Variants in USH1C observed in about 807,000 individuals in gnomAD.
USH1C encodes the protein harmonin.
USH1C carries 90 observed loss-of-function variants against 119.3 expected under a neutral mutation model. The observed-to-expected ratio is 0.75, with a 90% confidence interval of 0.64 to 0.90. The LOEUF (loss-of-function observed/expected upper bound fraction) is 0.90. Ranked by LOEUF, USH1C falls within the 40% of genes least tolerant of loss-of-function variation. The probability of loss-of-function intolerance (pLI) is 0.00; values close to 1 mark genes in which losing one functional copy is unlikely to be tolerated. For synonymous variants in USH1C, 465 were observed against 443.3 expected, an observed-to-expected ratio of 1.05 and a Z score of -0.62; for missense variants, 1,165 against 1,167.7, an observed-to-expected ratio of 1.00 and a Z score of 0.03.
chr11:17,539,986 C>A (rs1045133709), intron 1 of USH1C, among the ~76,000 whole-genome samples: 3 of 151,914 alleles, frequency 2.0e-5, no homozygotes, highest in African/African-American at 7.3e-5. Context: ...TGCACAACAC[C>A]ACACCTGGCT....
chr11:17,531,658 C>A lies in USH1C; in HGVS notation c.105-116G>T. 1 of 1,384,642 alleles carries A rather than the reference C, an allele frequency of 7.2e-7. No individual in the cohort carries two copies. Among genetic ancestry groups the A allele is most frequent in the Non-Finnish European group, 9.9e-7 (1 of 1,007,322 alleles). 85.8% of individuals were successfully genotyped at this position (1,384,642 alleles called of 1,614,324 possible). On this transcript the variant is annotated intron_variant, in intron 2 of 26. Coordinates refer to ENST00000005226, the MANE Select transcript of USH1C (RefSeq NM_153676.4). This position sits in a 1 kb window ranked among gnomAD's most constrained non-coding sequence, Gnocchi z 4.2. ...GGCCCAGGCTTAGGAATGGAGTAGACCACTCCTGAAAAGCCCAGAGCTCTT... is the reference window on the plus strand; with the variant it reads ...GGCCCAGGCTTAGGAATGGAGTAGAACACTCCTGAAAAGCCCAGAGCTCTT...
intron 15 of USH1C, among the ~76,000 whole-genome samples, chr11:17,515,274 T>C (rs1186031048): frequency 6.6e-6 from 1 of 152,232 alleles, no homozygotes; most frequent in Non-Finnish European, 1.5e-5. Context: ...TCCAAGTTTA[T>C]TCAATGCTAT....
Position 17,496,772 on chromosome 11 carries a change from C to T in USH1C, c.2532G>A (p.Glu844=). ...DLVVAVCPPK[E]YDDELASLPS... ...CACACACTTACAGCTCATCGTCATA[C>T]TCCTTTGGGGGGCAGACGGCAACCA... The change falls in exon 25 of 27, where the codon GAG becomes GAA. Residue 844 remains glutamate (E), a synonymous_variant. Coordinates refer to ENST00000005226, the MANE Select transcript of USH1C (RefSeq NM_153676.4). 3 of 1,614,230 alleles carry T rather than the reference C, an allele frequency of 1.9e-6. No homozygotes were observed. The highest frequency in any genetic ancestry group is 2.5e-6 in the Non-Finnish European group (3 of 1,180,024).
chr11:17,534,654 C>G (rs528208937), intron 1 of USH1C, among the ~76,000 whole-genome samples: 1 of 152,172 alleles, frequency 6.6e-6, no homozygotes, highest in African/African-American at 2.4e-5. Context: ...GTGGGCAGAT[C>G]ACCTGAGATC....
At chr11:17,542,613 G>C (rs1330354671) in intron 1 of USH1C, among the ~76,000 whole-genome samples, 1 of 152,214 alleles carries the variant, frequency 6.6e-6, no homozygotes, top group Non-Finnish European at 1.5e-5. Flanking sequence ...AGACACCAGG[G>C]ACCCTGGAGA....
At position 17,514,017 on chromosome 11, in the gene USH1C, T is replaced by G. The variant is rs149288901; in HGVS notation, c.1261-1963A>C. 5.4e-3 allele frequency among the ~76,000 whole-genome samples: 817 copies of G among 152,278 alleles called. 6 individuals carry two copies. The highest frequency in any genetic ancestry group is 7.8e-3 in the Non-Finnish European group (532 of 68,022). ...CAGGTTACTTAGCTGTGTGTGAATC[T>G]GCCTTCCCTGCCAGACGGTGGGCTC... On this transcript the variant is annotated intron_variant, in intron 15 of 26. Transcript: ENST00000005226.
chr11:17,501,208 G>T, intron 22 of USH1C, 58 bp from the exon 23 acceptor site: 1 of 1,380,374 alleles, frequency 7.2e-7, no homozygotes, highest in South Asian at 1.2e-5. Flanking sequence ...GTGGACACCT[G>T]GGCACCAAGG....
rs912584478 is a variant in USH1C, at chr11:17,494,053, G to C, written c.*279C>G. 10 of 516,006 alleles carry C rather than the reference G, an allele frequency of 1.9e-5. No individual in the cohort carries two copies. The highest frequency in any genetic ancestry group is 1.3e-4 in the African/African-American group (7 of 52,046). 32.0% of individuals were successfully genotyped at this position (516,006 alleles called of 1,614,324 possible). ...TCAAGGAAGGAGTCCCCCAGAGCTG[G>C]GAGAGACCAAATTCACTGGGCCAGA... On this transcript the variant is annotated 3_prime_UTR_variant, in exon 27 of 27. Coordinates refer to ENST00000005226, the MANE Select transcript of USH1C (RefSeq NM_153676.4).
chr11:17,505,062 A>G (rs1456863182), intron 19 of USH1C, among the ~76,000 whole-genome samples: 1 of 152,246 alleles, frequency 6.6e-6, no homozygotes, highest in South Asian at 2.1e-4. Context: ...AAATTCTGAC[A>G]TGACTGTCTT....
At chr11:17,506,091 G>A in intron 18 of USH1C, 142 bp from the exon 19 acceptor site, 1 of 1,237,956 alleles carries the variant, frequency 8.1e-7, no homozygotes. Flanking sequence ...AGGTCCTGGG[G>A]TTGTGATCCT....
intron 19 of USH1C, 31 bp from the exon 20 acceptor site, chr11:17,504,728 T>C (rs748238450): frequency 1.2e-5 from 19 of 1,610,116 alleles, no homozygotes; most frequent in Non-Finnish European, 1.4e-5. Context: ...AAGTTCCACA[T>C]TGGATGTTAC....
chr11:17,506,836 A>C (rs1277865190), intron 18 of USH1C, among the ~76,000 whole-genome samples: 2 of 151,272 alleles, frequency 1.3e-5, no homozygotes, highest in Admixed American at 1.3e-4. Flanking sequence ...GCGGGTGCCT[A>C]CTTTTCTTTG....
chr11:17,511,551 T>A (rs981678462), intron 16 of USH1C, among the ~76,000 whole-genome samples: 1 of 152,064 alleles, frequency 6.6e-6, no homozygotes, highest in East Asian at 1.9e-4. Flanking sequence ...GACTCAAATC[T>A]CTAAGCCAGG....
chr11:17,522,297 C>A (rs1231877489), intron 12 of USH1C, among the ~76,000 whole-genome samples: 1 of 152,180 alleles, frequency 6.6e-6, no homozygotes. Flanking sequence ...GGGGACTTGC[C>A]AGATTGCCTG....
At chr11:17,539,552 TA>T (rs1296267759) in intron 1 of USH1C, among the ~76,000 whole-genome samples, 3 of 152,212 alleles carry the variant, frequency 2.0e-5, no homozygotes, top group Non-Finnish European at 4.4e-5. Flanking sequence ...GTTTGTTACA[TA>T]AAACTAAGTG....
In USH1C at chr11:17,533,247, A is replaced by C. The variant is rs1851067260; in HGVS notation, c.104+8T>G. The C allele has an allele frequency of 1.2e-6, 2 of 1,612,620 alleles. No homozygotes were observed. Among genetic ancestry groups the C allele is most frequent in the South Asian group, 2.2e-5 (2 of 91,058 alleles). ...GTGGCCCACAAGAGCTGGACCCAGCACACTTACTGGTGGTACATTCGCAGC... is the reference window on the plus strand; with the variant it reads ...GTGGCCCACAAGAGCTGGACCCAGCCCACTTACTGGTGGTACATTCGCAGC... On this transcript the variant is annotated splice_region_variant and intron_variant, in intron 2 of 26. Transcript: ENST00000005226.
chr11:17,535,867 T>C (rs1176818731), intron 1 of USH1C, among the ~76,000 whole-genome samples: 1 of 152,226 alleles, frequency 6.6e-6, no homozygotes, highest in Non-Finnish European at 1.5e-5. Flanking sequence ...CCACAGCTAA[T>C]AAGCAGAGCT....
chr11:17,509,227 T>C (rs1849762804), intron 18 of USH1C, 129 bp downstream of exon 18: 5 of 1,321,062 alleles, frequency 3.8e-6, no homozygotes, highest in Non-Finnish European at 5.0e-6. Flanking sequence ...GGAGGGGGCA[T>C]TCCTGGAAAA....
rs150649483 is a variant in USH1C, at chr11:17,544,401, A to G, written c.-94T>C. ...AAAGAGCCGCGACCGCGACCGGGCCAGCCGCCCTCGGAGCTGGGGGCGGGG... is the reference window on the plus strand; with the variant it reads ...AAAGAGCCGCGACCGCGACCGGGCCGGCCGCCCTCGGAGCTGGGGGCGGGG... On this transcript the variant is annotated 5_prime_UTR_variant, in exon 1 of 27. Transcript: ENST00000005226. 8 of 1,581,246 alleles carry G rather than the reference A, an allele frequency of 5.1e-6. No homozygotes were observed. The highest frequency in any genetic ancestry group is 4.6e-5 in the East Asian group (2 of 43,934).
Sources: allele counts gnomAD v4.1 joint callset (sites outside exome capture counted in the v4.1 genomes callset), GRCh38; gene constraint gnomAD v4.1.1; non-coding constraint Gnocchi (gnomAD v3.1); transcripts MANE v1.5; gene names NCBI Gene and HGNC (gene_info 2026-07-23, HGNC 2026-07-21).